The following PRICKLE1 variants were observed in gnomAD, a reference collection of about 807,000 sequenced individuals.
The protein encoded by PRICKLE1 is prickle planar cell polarity protein 1.
In PRICKLE1, 14 loss-of-function variants were observed where a neutral mutation model predicts 70.2. That is an observed-to-expected ratio of 0.20 (90% CI 0.13 to 0.31). PRICKLE1 has a LOEUF of 0.31. Among genes scored for constraint, PRICKLE1 ranks in the 10% least tolerant of loss-of-function variants. The pLI is 1.00. For synonymous variants in PRICKLE1, 357 were observed against 379.9 expected (o/e 0.94, Z 0.70); for missense variants, 821 against 1,026.2 (o/e 0.80, Z 2.73).
chr12:42,472,623 C>G, intron 1 of PRICKLE1, 59 bp from the exon 2 acceptor site: 1 of 1,411,776 alleles, frequency 7.1e-7, no homozygotes, highest in East Asian at 2.3e-5. Context: ...TTCTCTTACC[C>G]CCGACCCAGA....
chr12:42,466,197 T>C lies in PRICKLE1; in HGVS notation c.772A>G (p.Ile258Val). ...AEYCETCGEH[I>V]GVDHAQMTYD... ...GACGGGCTGGCTGTGGACTTACCAATATGTTCCCCACAGGTTTCACAGTAC... is the reference window on the plus strand; with the variant it reads ...GACGGGCTGGCTGTGGACTTACCAACATGTTCCCCACAGGTTTCACAGTAC... Residue 258 changes from isoleucine to valine, a missense_variant, in exon 6 of 8, where the codon ATT becomes GTT. Ile to Val is a conservative substitution (Grantham distance 29). Coordinates refer to ENST00000345127, the MANE Select transcript of PRICKLE1 (RefSeq NM_153026.3). 3 of 1,614,186 alleles carry C rather than the reference T, an allele frequency of 1.9e-6. No individual in the cohort carries two copies. Among genetic ancestry groups the C allele is most frequent in the Non-Finnish European group, 2.5e-6 (3 of 1,180,016 alleles).
At chr12:42,560,944 T>C (rs1238161649) in intron 1 of PRICKLE1, among the ~76,000 whole-genome samples, 1 of 152,216 alleles carries the variant, frequency 6.6e-6, no homozygotes, top group Admixed American at 6.5e-5. Flanking sequence ...TTACAGGATT[T>C]GTGATGCCTG....
chr12:42,570,120 C>T (rs1940683553), intron 1 of PRICKLE1, among the ~76,000 whole-genome samples: 1 of 152,226 alleles, frequency 6.6e-6, no homozygotes. Flanking sequence ...GTTATGACCG[C>T]CTACCTGAAT....
At chr12:42,541,437 C>A (rs764125274) in intron 1 of PRICKLE1, among the ~76,000 whole-genome samples, 7 of 151,872 alleles carry the variant, frequency 4.6e-5, no homozygotes, top group Non-Finnish European at 8.8e-5. Context: ...ACCTCCTGGG[C>A]TCAAGCAATC....
chr12:42,468,327 A>G (rs895657191), intron 5 of PRICKLE1, among the ~76,000 whole-genome samples: 1 of 152,156 alleles, frequency 6.6e-6, no homozygotes, highest in Non-Finnish European at 1.5e-5. Flanking sequence ...TGCAGCTTGT[A>G]TTTTCTCACA....
intron 1 of PRICKLE1, among the ~76,000 whole-genome samples, chr12:42,570,347 T>C (rs1444487970): frequency 1.3e-5 from 2 of 152,222 alleles, no homozygotes; most frequent in East Asian, 3.9e-4. Flanking sequence ...GCTCAACTGA[T>C]CAAGGCATTT....
rs909829994 is a variant in PRICKLE1 at position 42,466,125 on chromosome 12, A to C, written c.775+69T>G. 2.0e-6 allele frequency: 3 copies of C among 1,535,586 alleles called. No individual in the cohort carries two copies. In the African/African-American group the frequency reaches 4.1e-5, roughly 21 times the overall value. ...ACTTTAAAAAACAGAAAAAGAAAAAATAAGACTGGATAATCCAAGACAGAC... is the reference window on the plus strand; with the variant it reads ...ACTTTAAAAAACAGAAAAAGAAAAACTAAGACTGGATAATCCAAGACAGAC... On this transcript the variant is annotated intron_variant, in intron 6 of 7. Transcript: ENST00000345127.
At chr12:42,547,170 GA>G (rs1160600715) in intron 1 of PRICKLE1, among the ~76,000 whole-genome samples, 1 of 152,106 alleles carries the variant, frequency 6.6e-6, no homozygotes, top group Non-Finnish European at 1.5e-5. Flanking sequence ...CTATAACATA[GA>G]AACTTAGAAT....
At chr12:42,550,772 C>T (rs1013796791) in intron 1 of PRICKLE1, among the ~76,000 whole-genome samples, 8 of 152,168 alleles carry the variant, frequency 5.3e-5, no homozygotes, top group Admixed American at 2.0e-4. Context: ...GCTTTGAGAA[C>T]GCTCGAAGTT....
chr12:42,498,366 G>C (rs1435546702), intron 1 of PRICKLE1, among the ~76,000 whole-genome samples: 1 of 150,748 alleles, frequency 6.6e-6, no homozygotes, highest in South Asian at 2.1e-4. Flanking sequence ...TGGAGATGGG[G>C]TTTTGCCATG....
At chr12:42,503,416 C>T (rs942301866) in intron 1 of PRICKLE1, among the ~76,000 whole-genome samples, 9 of 152,082 alleles carry the variant, frequency 5.9e-5, no homozygotes, top group African/African-American at 2.2e-4. Flanking sequence ...AGATTCTTTG[C>T]AGTGCTGGGT....
At chr12:42,554,882 A>T (rs370716678) in intron 1 of PRICKLE1, among the ~76,000 whole-genome samples, 7 of 144,798 alleles carry the variant, frequency 4.8e-5, no homozygotes, top group Non-Finnish European at 7.6e-5. Flanking sequence ...ACTAGAACTT[A>T]TTTTTTTTTT....
Position 42,464,975 on chromosome 12 carries a change from C to T in PRICKLE1, c.1059G>A (p.Ser353=), listed in dbSNP as rs769884613. 3.3e-5 allele frequency: 53 copies of T among 1,613,852 alleles called. No homozygotes were observed. The highest frequency in any genetic ancestry group is 2.0e-4 in the East Asian group (9 of 44,882). Residue 353 remains serine, a synonymous_variant, in exon 7 of 8, where the codon TCG becomes TCA. Coordinates refer to ENST00000345127, the MANE Select transcript of PRICKLE1 (RefSeq NM_153026.3). The surrounding 1 kb of genome is among the most constrained non-coding windows in gnomAD (Gnocchi z 4.2). ...CAGGAAACTTGTAGTTCAGAGCAGG[C>T]GATAAGAGGAGAGACTGTCTACACT... ...ADQCRQSLLL[S]PALNYKFPGL... is the part of the protein sequence containing the mutation.
intron 1 of PRICKLE1, among the ~76,000 whole-genome samples, chr12:42,550,918 A>G (rs1482759876): frequency 6.6e-6 from 1 of 152,210 alleles, no homozygotes; most frequent in Non-Finnish European, 1.5e-5. Flanking sequence ...TAAAATCCTC[A>G]ACTTTTGAGT....
intron 1 of PRICKLE1, among the ~76,000 whole-genome samples, chr12:42,551,825 C>T (rs1398488945): frequency 6.6e-6 from 1 of 152,056 alleles, no homozygotes; most frequent in Non-Finnish European, 1.5e-5. Context: ...AGTTATGAAG[C>T]AACTTAATAA....
At chr12:42,532,654 T>C (rs1939939488) in intron 1 of PRICKLE1, among the ~76,000 whole-genome samples, 1 of 152,140 alleles carries the variant, frequency 6.6e-6, no homozygotes, top group African/African-American at 2.4e-5. Context: ...TCCCAGCACT[T>C]TGGGAGGCTG....
intron 1 of PRICKLE1, among the ~76,000 whole-genome samples, chr12:42,493,849 C>A (rs1349726791): frequency 6.9e-6 from 1 of 144,384 alleles, no homozygotes; most frequent in East Asian, 2.0e-4. Context: ...CAGAGTAAGA[C>A]CGTGTCTAAA....
intron 1 of PRICKLE1, among the ~76,000 whole-genome samples, chr12:42,535,200 G>C (rs1267661846): frequency 1.3e-5 from 2 of 152,106 alleles, no homozygotes; most frequent in African/African-American, 4.8e-5. Flanking sequence ...ACAGCTGCTG[G>C]TGTGCACACC....
At chr12:42,474,759 A>G (rs1440849096) in intron 1 of PRICKLE1, among the ~76,000 whole-genome samples, 2 of 152,228 alleles carry the variant, frequency 1.3e-5, no homozygotes, top group Non-Finnish European at 2.9e-5. Flanking sequence ...AGTGCCTTCA[A>G]TGAAATTTAA....
Sources: gnomAD v4.1 joint callset for allele counts (sites outside exome capture counted in the v4.1 genomes callset) on GRCh38, gnomAD v4.1.1 for gene constraint, Gnocchi (gnomAD v3.1) non-coding constraint, MANE v1.5 for transcripts, NCBI Gene and HGNC (gene_info 2026-07-23, HGNC 2026-07-21) for gene names.